CSMD1: variants seen among roughly 807,000 people sequenced by gnomAD.
CSMD1 encodes the protein CUB and sushi domain-containing protein 1.
Under a neutral mutation model 417.5 loss-of-function variants are expected in CSMD1, and 213 were observed. The observed-to-expected ratio is 0.51, with a 90% CI of 0.46 to 0.57. The LOEUF is 0.57. CSMD1 is among the 20% of genes least tolerant of loss of function. CSMD1 has a pLI of 0.00. For synonymous variants in CSMD1, 2,862 were observed against 1,736.8 expected (o/e 1.65, Z -16.11); for missense variants, 6,923 against 4,529.7 (o/e 1.53, Z -15.17).
intron 1 of CSMD1, among the ~76,000 whole-genome samples, chr8:4,946,879 T>G (rs1028646366): frequency 6.6e-6 from 1 of 151,792 alleles, no homozygotes; most frequent in African/African-American, 2.4e-5. Context: ...AGCCATGATT[T>G]AATAATCAGA....
chr8:4,270,802 A>G (rs1804539780), intron 3 of CSMD1, among the ~76,000 whole-genome samples: 1 of 152,086 alleles, frequency 6.6e-6, no homozygotes. Context: ...CCTTCCTCCT[A>G]GAAAGTTCCC....
At chr8:4,192,541 C>G (rs1017497049) in intron 3 of CSMD1, among the ~76,000 whole-genome samples, 2 of 152,110 alleles carry the variant, frequency 1.3e-5, no homozygotes, top group South Asian at 2.1e-4. Flanking sequence ...GCAACAGGGG[C>G]TTTTATCTAC....
intron 53 of CSMD1, among the ~76,000 whole-genome samples, chr8:2,998,523 T>G (rs773910319): frequency 6.6e-6 from 1 of 152,232 alleles, no homozygotes; most frequent in Non-Finnish European, 1.5e-5. Context: ...TAAAAATTCT[T>G]GTATTAATCA....
At chr8:4,470,967 G>T (rs558815963) in intron 2 of CSMD1, among the ~76,000 whole-genome samples, 5 of 152,154 alleles carry the variant, frequency 3.3e-5, no homozygotes, top group Admixed American at 3.3e-4. Flanking sequence ...TGTCAATTCA[G>T]TGTCTTTTAA....
At chr8:3,466,473 G>A (rs185146459) in intron 12 of CSMD1, among the ~76,000 whole-genome samples, 235 of 151,688 alleles carry the variant, frequency 1.5e-3, no homozygotes, top group Non-Finnish European at 3.4e-4. Context: ...GCAGTGGCAC[G>A]ATCTTGGCTC....
At chr8:4,297,200 T>A (rs908500865) in intron 3 of CSMD1, among the ~76,000 whole-genome samples, 2 of 152,120 alleles carry the variant, frequency 1.3e-5, no homozygotes, top group Non-Finnish European at 1.5e-5. Context: ...TGTATTTTTT[T>A]AAATCCCTGG....
chr8:4,817,385 G>C (rs1224151190), intron 1 of CSMD1, among the ~76,000 whole-genome samples: 2 of 152,190 alleles, frequency 1.3e-5, no homozygotes, highest in Admixed American at 1.3e-4. Flanking sequence ...AATGAGGCCT[G>C]CTTGGCAACC....
chr8:4,603,694 C>G (rs1362692885), intron 2 of CSMD1, among the ~76,000 whole-genome samples: 1 of 152,098 alleles, frequency 6.6e-6, no homozygotes, highest in African/African-American at 2.4e-5. Flanking sequence ...CAGTGATTTT[C>G]TTTCACTTCT....
At chr8:3,815,641 T>TTTA (rs397956997) in intron 5 of CSMD1, among the ~76,000 whole-genome samples, 21 of 141,300 alleles carry the variant, frequency 1.5e-4, no homozygotes, top group African/African-American at 5.5e-4. Context: ...TTTTTTTTTT[T>TTTA]AACAAATAAA....
rs536302452 is a variant in CSMD1 at position 4,840,915 on chromosome 8, T to A, written c.85+153417A>T. ...CGTGTCTCAATCAACACCACTACTGTAAAGTGAATACAAATATCCCTAATC... is the reference window on the plus strand; with the variant it reads ...CGTGTCTCAATCAACACCACTACTGAAAAGTGAATACAAATATCCCTAATC... On this transcript the variant is annotated intron_variant, in intron 1 of 69. Coordinates refer to ENST00000635120, the MANE Select transcript of CSMD1 (RefSeq NM_033225.6). Among the ~76,000 whole-genome samples, 4 of 152,352 alleles carry A rather than the reference T, an allele frequency of 2.6e-5. No individual in the cohort carries two copies. In the South Asian group the frequency reaches 8.3e-4, roughly 32 times the overall value.
chr8:4,453,980 C>G (rs1453465637), intron 2 of CSMD1, among the ~76,000 whole-genome samples: 1 of 151,678 alleles, frequency 6.6e-6, no homozygotes, highest in Non-Finnish European at 1.5e-5. Context: ...CGCCACCGCG[C>G]CCGGCTAATT....
intron 31 of CSMD1, among the ~76,000 whole-genome samples, chr8:3,205,195 G>A (rs532206930): frequency 1.1e-4 from 16 of 152,244 alleles, no homozygotes; most frequent in South Asian, 4.1e-4. Flanking sequence ...GAAATCCTCC[G>A]TTGCTCATAA....
intron 3 of CSMD1, among the ~76,000 whole-genome samples, chr8:4,164,854 G>A (rs1415705537): frequency 1.4e-5 from 2 of 146,510 alleles, no homozygotes; most frequent in East Asian, 4.1e-4. Flanking sequence ...CCAAGCCTGA[G>A]CAACAGAGCA....
chr8:4,953,947 C>G (rs77698197), intron 1 of CSMD1, among the ~76,000 whole-genome samples: 10,533 of 152,070 alleles, frequency 0.069, 445 homozygotes, highest in South Asian at 0.15. Flanking sequence ...CCTGGTGCAC[C>G]TAATGCACAG....
chr8:4,502,329 T>C (rs941212000), intron 2 of CSMD1, among the ~76,000 whole-genome samples: 2 of 152,120 alleles, frequency 1.3e-5, no homozygotes, highest in African/African-American at 4.8e-5. Context: ...GACAAATGCA[T>C]AGATACAATG....
chr8:4,736,875 T>C (rs1403897851), intron 1 of CSMD1, among the ~76,000 whole-genome samples: 1 of 152,160 alleles, frequency 6.6e-6, no homozygotes, highest in Non-Finnish European at 1.5e-5. Context: ...AGCTGGTATG[T>C]AAGCGTTCAG....
In CSMD1 at chr8:4,591,133, T is replaced by C. The variant is rs370552679; in HGVS notation, c.302+46209A>G. ...GCCATCAAAAGTATTGAGTTCTGAA[T>C]GCATCATTTCTTCAGTTGTGTGTTG... On this transcript the variant is annotated intron_variant, in intron 2 of 69. Transcript: ENST00000635120. Among the ~76,000 whole-genome samples, 610 of 152,354 alleles carry C rather than the reference T, an allele frequency of 4.0e-3. 5 individuals are homozygous for C. The highest frequency in any genetic ancestry group is 0.014 in the African/African-American group (597 of 41,588).
chr8:3,579,194 A>G (rs1201745507), intron 9 of CSMD1, among the ~76,000 whole-genome samples: 1 of 152,208 alleles, frequency 6.6e-6, no homozygotes, highest in Non-Finnish European at 1.5e-5. Flanking sequence ...TTGAAAATAT[A>G]AAACGTCAGG....
At chr8:4,537,294 T>A (rs1320354706) in intron 2 of CSMD1, among the ~76,000 whole-genome samples, 1 of 152,206 alleles carries the variant, frequency 6.6e-6, no homozygotes, top group African/African-American at 2.4e-5. Context: ...AAAATGCTTA[T>A]CTTTTTATAA....
Sources: allele counts gnomAD v4.1 joint callset (sites outside exome capture counted in the v4.1 genomes callset), GRCh38; gene constraint gnomAD v4.1.1; transcripts MANE v1.5; gene names NCBI Gene and HGNC (gene_info 2026-07-23, HGNC 2026-07-21).